The following NAV3 variants were observed in gnomAD, a reference collection of about 807,000 sequenced individuals.
NAV3 encodes the protein neuron navigator 3.
In NAV3, 87 loss-of-function variants were observed where a neutral mutation model predicts 244.7. The ratio of observed to expected loss-of-function variants is 0.36; its 90% CI spans 0.30 to 0.42. The LOEUF (loss-of-function observed/expected upper bound fraction) is 0.42. NAV3 is among the 20% of genes least tolerant of loss of function. The probability of loss-of-function intolerance (pLI) is 1.00; values close to 1 mark genes in which losing one functional copy is unlikely to be tolerated. For synonymous variants in NAV3, 1,126 were observed against 1,042.2 expected (o/e 1.08, Z -1.55); for missense variants, 2,663 against 2,893.3 (o/e 0.92, Z 1.83).
Position 77,850,883 on chromosome 12 carries a change from G to A in NAV3, c.243+19179G>A, listed in dbSNP as rs554252919. The stretch of plus-strand genomic sequence containing the variant: ...ACTGGACATGTGCTGTGAGACTTGG[G>A]CTATGTGGACACCCTCTGTTGGCAA... On this transcript the variant is annotated intron_variant, in intron 1 of 39. Transcript: ENST00000397909. Among the ~76,000 whole-genome samples, 4 of 152,226 alleles carry A rather than the reference G, an allele frequency of 2.6e-5. No individual in the cohort carries two copies. The East Asian group carries it at 7.7e-4, about 29-fold the overall frequency.
At chr12:77,597,601 T>G (rs1370342720) in intron 2 of NAV3, among the ~76,000 whole-genome samples, 2 of 152,138 alleles carry the variant, frequency 1.3e-5, no homozygotes, top group Non-Finnish European at 2.9e-5. Context: ...TATTCAAAAT[T>G]CATTGACCAA....
intron 2 of NAV3, among the ~76,000 whole-genome samples, chr12:77,620,737 C>T (rs1423073712): frequency 6.6e-6 from 1 of 152,108 alleles, no homozygotes; most frequent in East Asian, 1.9e-4. Flanking sequence ...GCTGGGATTG[C>T]AGGCATGAGC....
At chr12:77,751,176 G>A (rs1008712071) in intron 2 of NAV3, among the ~76,000 whole-genome samples, 1 of 152,136 alleles carries the variant, frequency 6.6e-6, no homozygotes, top group Non-Finnish European at 1.5e-5. Context: ...GTAAACATAC[G>A]CTGGATAATA....
At chr12:78,158,791 A>G (rs116589562) in intron 22 of NAV3, among the ~76,000 whole-genome samples, 1,760 of 152,280 alleles carry the variant, frequency 0.012, 30 homozygotes, top group African/African-American at 0.04. Context: ...TCATCATGAA[A>G]GTATAAAAAT....
intron 1 of NAV3, among the ~76,000 whole-genome samples, chr12:77,897,378 G>A (rs1026312564): frequency 3.3e-5 from 5 of 152,160 alleles, no homozygotes; most frequent in Admixed American, 1.3e-4. Context: ...CCTTTCATGC[G>A]ATAGCTTTGA....
At chr12:77,942,078 T>G (rs1167890144) in intron 3 of NAV3, among the ~76,000 whole-genome samples, 1 of 152,196 alleles carries the variant, frequency 6.6e-6, no homozygotes, top group South Asian at 2.1e-4. Context: ...TCATGTATAT[T>G]TTTAAAATAA....
rs139801864 is a variant in NAV3, at chr12:77,782,083, A to G, written c.73-158236A>G. On this transcript the variant is annotated intron_variant, in intron 2 of 8. Transcript: ENST00000550042. ...TCATTTGCCAAACTAAAGCAATATT[A>G]TTAGTAATAATTTTCTTAGATTCCT... 3.6e-4 allele frequency among the ~76,000 whole-genome samples: 55 copies of G among 152,326 alleles called. 1 individual carries two copies. The East Asian group carries it at 9.6e-3, about 27-fold the overall frequency.
rs1471546561 is a variant in NAV3, at chr12:78,119,771, T to C, written c.3575T>C (p.Val1192Ala). 6.2e-7 allele frequency: 1 copy of C among 1,614,010 alleles called. No individual in the cohort carries two copies. The highest frequency in any genetic ancestry group is 8.5e-7 in the Non-Finnish European group (1 of 1,179,990). Residue 1192 changes from valine (V) to alanine (A), a missense_variant, in exon 15 of 40, where the codon GTC becomes GCC. By Grantham distance (64) the Val-to-Ala change is moderately conservative. Transcript: ENST00000397909. ...TKIGSGRSSP[V>A]TVNQTDKEKE... Reference sequence around the variant, plus strand: ...ATTGGGTCAGGGCGCTCGAGTCCTGTCACCGTCAACCAAACAGACAAGGAA... The same window carrying C: ...ATTGGGTCAGGGCGCTCGAGTCCTGCCACCGTCAACCAAACAGACAAGGAA...
intron 2 of NAV3, among the ~76,000 whole-genome samples, chr12:77,755,428 G>A (rs1869086471): frequency 6.6e-6 from 1 of 151,998 alleles, no homozygotes; most frequent in South Asian, 2.1e-4. Flanking sequence ...TGCTTACGTT[G>A]ATGGGATCTT....
intron 24 of NAV3, 113 bp downstream of exon 24, chr12:78,168,979 A>T: frequency 1.6e-6 from 1 of 616,040 alleles, no homozygotes; most frequent in Non-Finnish European, 2.8e-6. Context: ...AATACATACT[A>T]GTTGTATTAA....
chr12:77,633,881 G>A (rs1592524797), intron 2 of NAV3, among the ~76,000 whole-genome samples: 1 of 152,102 alleles, frequency 6.6e-6, no homozygotes, highest in Admixed American at 6.5e-5. Flanking sequence ...TTTGGACAAT[G>A]TAACATTTTC....
At position 77,626,797 on chromosome 12, in the gene NAV3, T is replaced by C. The variant is rs576236905; in HGVS notation, c.72+54531T>C. Reference sequence around the variant, plus strand: ...TCTCCATTAGACCAGTCATTAGGACTTAAATGCTTAAGGGAGTCATTAGGA... The same window carrying C: ...TCTCCATTAGACCAGTCATTAGGACCTAAATGCTTAAGGGAGTCATTAGGA... On this transcript the variant is annotated intron_variant, in intron 2 of 8. Transcript: ENST00000550042. Among the ~76,000 whole-genome samples the C allele has an allele frequency of 2.6e-5, 4 of 152,306 alleles. No individual in the cohort carries two copies. The East Asian group carries it at 7.7e-4, about 29-fold the overall frequency.
At chr12:78,155,937 C>A (rs1957287711) in intron 22 of NAV3, among the ~76,000 whole-genome samples, 1 of 152,222 alleles carries the variant, frequency 6.6e-6, no homozygotes, top group South Asian at 2.1e-4. Context: ...AATGTTCTCC[C>A]ATTCTGCAGA....
Position 77,694,193 on chromosome 12 carries a change from A to G in NAV3, c.72+121927A>G, listed in dbSNP as rs111625104. ...ATAAAAGAAGTCTCTTTGGCCGGGC[A>G]TGGTGGCTCATGCCTGTAATCCCAG... On this transcript the variant is annotated intron_variant, in intron 2 of 8. Coordinates refer to the NAV3 transcript ENST00000550042. Among the ~76,000 whole-genome samples the G allele has an allele frequency of 5.8e-3, 886 of 151,974 alleles. 11 individuals carry two copies. The highest frequency in any genetic ancestry group is 0.02 in the African/African-American group (841 of 41,458).
chr12:77,790,832 C>T lies in NAV3; in HGVS notation c.73-149487C>T, dbSNP rs912784523. Among the ~76,000 whole-genome samples, 5 of 152,308 alleles carry T rather than the reference C, an allele frequency of 3.3e-5. No individual in the cohort carries two copies. The South Asian group carries it at 6.2e-4, about 19-fold the overall frequency. Reference sequence around the variant, plus strand: ...GTGCAAACCAGAGCCTCTCCTCTCTCACCTGACCACTTCACTCAGGGCGAC... The same window carrying T: ...GTGCAAACCAGAGCCTCTCCTCTCTTACCTGACCACTTCACTCAGGGCGAC... On this transcript the variant is annotated intron_variant, in intron 2 of 8. Transcript: ENST00000550042.
intron 2 of NAV3, among the ~76,000 whole-genome samples, chr12:77,619,791 A>G (rs1018241337): frequency 2.0e-5 from 3 of 152,028 alleles, no homozygotes; most frequent in African/African-American, 4.8e-5. Flanking sequence ...GCAACATGAG[A>G]TATTCCATTC....
At chr12:77,929,900 C>T (rs1379068619) in intron 1 of NAV3, among the ~76,000 whole-genome samples, 9 of 150,502 alleles carry the variant, frequency 6.0e-5, no homozygotes, top group Admixed American at 4.0e-4. Context: ...ATGCCTGCCT[C>T]GGCCTCCCAA....
At chr12:77,737,864 G>T (rs936772114) in intron 2 of NAV3, among the ~76,000 whole-genome samples, 1 of 152,130 alleles carries the variant, frequency 6.6e-6, no homozygotes, top group South Asian at 2.1e-4. Context: ...ATCATATCCT[G>T]GAGTGGTTCA....
chr12:78,208,389 C>T (rs550539037), intron 39 of NAV3, among the ~76,000 whole-genome samples: 2 of 152,180 alleles, frequency 1.3e-5, no homozygotes, highest in East Asian at 1.9e-4. Context: ...GATAAAATTT[C>T]GACAAGAGTT....
Sources: allele counts gnomAD v4.1 joint callset (sites outside exome capture counted in the v4.1 genomes callset), GRCh38; gene constraint gnomAD v4.1.1; transcripts MANE v1.5; gene names NCBI Gene and HGNC (gene_info 2026-07-23, HGNC 2026-07-21).